The following ADK variants were observed in gnomAD, a reference collection of about 807,000 sequenced individuals.
ADK encodes adenosine kinase.
A neutral mutation model predicts 44.7 loss-of-function variants in ADK; 24 were observed. The ratio of observed to expected loss-of-function variants is 0.54; its 90% CI spans 0.39 to 0.76. The LOEUF (loss-of-function observed/expected upper bound fraction) is 0.76, where lower values mean the gene tolerates loss of function less well. Among genes scored for constraint, ADK ranks in the 30% least tolerant of loss-of-function variants. The pLI is 0.00. For synonymous variants in ADK, 128 were observed against 142.6 expected, an observed-to-expected ratio of 0.90 and a Z score of 0.73; for missense variants, 321 against 425.1, an observed-to-expected ratio of 0.76 and a Z score of 2.15.
chr10:74,414,179 C>T (rs910880146), intron 6 of ADK, among the ~76,000 whole-genome samples: 2 of 152,068 alleles, frequency 1.3e-5, no homozygotes, highest in Non-Finnish European at 2.9e-5. Context: ...ACACCATACT[C>T]AAGGCAGGCT....
In ADK at chr10:74,302,131, T is replaced by G. The variant is rs1564642381; in HGVS notation, c.195-12536T>G. Among the ~76,000 whole-genome samples the G allele has an allele frequency of 1.4e-4, 11 of 76,882 alleles. 1 individual carries two copies. Among genetic ancestry groups the G allele is most frequent in the Admixed American group, 3.1e-4 (2 of 6,496 alleles). The allele number at this position is 76,882 out of a possible 152,430, so 50.4% of individuals were successfully genotyped here. On this transcript the variant is annotated intron_variant, in intron 3 of 10. Transcript: ENST00000539909. ...TTTGTTTTTTTTTTTTTTTTTTTTTTTTTTTTTTTTTTTTTGAGATGGAGT... is the reference window on the plus strand; with the variant it reads ...TTTGTTTTTTTTTTTTTTTTTTTTTGTTTTTTTTTTTTTTTGAGATGGAGT...
chr10:74,282,259 C>T (rs1038896866), intron 3 of ADK, among the ~76,000 whole-genome samples: 3 of 152,082 alleles, frequency 2.0e-5, no homozygotes, highest in African/African-American at 7.2e-5. Context: ...TTGTGGTGAA[C>T]TTTTTAAGGA....
intron 3 of ADK, among the ~76,000 whole-genome samples, chr10:74,303,780 C>T (rs2132531966): frequency 6.6e-6 from 1 of 150,856 alleles, no homozygotes; most frequent in Non-Finnish European, 1.5e-5. Context: ...CCAGCCTGGC[C>T]AACATAGTGA....
chr10:74,560,861 A>G (rs929637555), intron 7 of ADK, among the ~76,000 whole-genome samples: 2 of 152,154 alleles, frequency 1.3e-5, no homozygotes, highest in African/African-American at 4.8e-5. Context: ...TGCAAGAGAA[A>G]GAGAGAGGTG....
chr10:74,647,971 C>T (rs1338409850), intron 9 of ADK, among the ~76,000 whole-genome samples: 1 of 152,182 alleles, frequency 6.6e-6, no homozygotes, highest in African/African-American at 2.4e-5. Flanking sequence ...CAGTTCAACA[C>T]TGATCTCAGC....
intron 9 of ADK, among the ~76,000 whole-genome samples, chr10:74,640,247 A>T (rs1853793185): frequency 2.0e-5 from 3 of 152,080 alleles, no homozygotes; most frequent in South Asian, 4.1e-4. Flanking sequence ...CTCAGATCTA[A>T]CTCCTCAGGG....
intron 1 of ADK, among the ~76,000 whole-genome samples, chr10:74,153,828 G>T (rs1385997747): frequency 6.6e-6 from 1 of 152,118 alleles, no homozygotes; most frequent in African/African-American, 2.4e-5. Flanking sequence ...TTTCTTTAGC[G>T]ATCGCCTCTT....
chr10:74,205,143 G>A (rs1482866316), intron 2 of ADK, among the ~76,000 whole-genome samples: 1 of 148,668 alleles, frequency 6.7e-6, no homozygotes, highest in Non-Finnish European at 1.5e-5. Flanking sequence ...TCATTATGGA[G>A]AACGAGATTA....
At chr10:74,535,683 A>G (rs2133696788) in intron 7 of ADK, among the ~76,000 whole-genome samples, 1 of 151,364 alleles carries the variant, frequency 6.6e-6, no homozygotes, top group Admixed American at 6.6e-5. Flanking sequence ...CCCAGGTTCA[A>G]GCAATTCTCG....
chr10:74,186,201 C>T (rs1017196555), intron 1 of ADK, among the ~76,000 whole-genome samples: 2 of 136,576 alleles, frequency 1.5e-5, no homozygotes, highest in African/African-American at 5.3e-5. Context: ...CCTTCCCTTC[C>T]CTTCCCTTCC....
In ADK at chr10:74,505,014, TA is replaced by T. The variant is rs577834085; in HGVS notation, c.556-20241del. Among the ~76,000 whole-genome samples the T allele has an allele frequency of 1.2e-4, 19 of 152,176 alleles. No individual in the cohort carries two copies. In the South Asian group the frequency reaches 4.0e-3, roughly 32 times the overall value. ...TGGATCATCATAAACATCTTCATCC[TA>T]GTAGTCTTCACACTGAGCAGGCTGA... On this transcript the variant is annotated intron_variant, in intron 6 of 10. Transcript: ENST00000539909.
chr10:74,334,168 C>G (rs1051780915), intron 4 of ADK, among the ~76,000 whole-genome samples: 1 of 152,118 alleles, frequency 6.6e-6, no homozygotes, highest in Non-Finnish European at 1.5e-5. Context: ...CTTCCTTTCC[C>G]CTACTTCAGC....
intron 3 of ADK, among the ~76,000 whole-genome samples, chr10:74,306,619 G>A (rs1840258513): frequency 6.6e-6 from 1 of 152,160 alleles, no homozygotes; most frequent in African/African-American, 2.4e-5. Flanking sequence ...TCTTCTACCA[G>A]AGTGTTCACT....
chr10:74,224,247 TCCA>T (rs1436145944), intron 2 of ADK, among the ~76,000 whole-genome samples: 2 of 152,228 alleles, frequency 1.3e-5, no homozygotes, highest in African/African-American at 4.8e-5. Flanking sequence ...TTGTAGTTGT[TCCA>T]TCAGTTTTGA....
intron 4 of ADK, among the ~76,000 whole-genome samples, chr10:74,371,200 G>A (rs951735687): frequency 2.0e-5 from 3 of 152,194 alleles, no homozygotes; most frequent in Non-Finnish European, 2.9e-5. Flanking sequence ...GAGATGGGAA[G>A]ATTTAGGAGT....
At chr10:74,336,500 A>G (rs774672953) in intron 4 of ADK, among the ~76,000 whole-genome samples, 3 of 152,098 alleles carry the variant, frequency 2.0e-5, no homozygotes, top group Non-Finnish European at 4.4e-5. Flanking sequence ...TATTTTTTGT[A>G]GTTGTAGACG....
chr10:74,607,565 C>G, intron 9 of ADK, among the ~76,000 whole-genome samples: 1 of 152,196 alleles, frequency 6.6e-6, no homozygotes, highest in African/African-American at 2.4e-5. Flanking sequence ...GGTCCTCACT[C>G]TCTTCTGGCT....
Position 74,166,151 on chromosome 10 carries a change from G to T in ADK, c.65+14808G>T, listed in dbSNP as rs941740770. Among the ~76,000 whole-genome samples, 17 of 152,242 alleles carry T rather than the reference G, an allele frequency of 1.1e-4. 1 individual carries two copies. In the South Asian group the frequency reaches 3.5e-3, roughly 32 times the overall value. On this transcript the variant is annotated intron_variant, in intron 1 of 10. Coordinates refer to ENST00000539909, the MANE Select transcript of ADK (RefSeq NM_006721.4). ...GACGGGGTTTCACTGTGTTGGCCTG[G>T]CTGGTCTTGAAGTTCCAACCTTAGG...
intron 3 of ADK, among the ~76,000 whole-genome samples, chr10:74,231,883 C>A (rs1908335): frequency 0.53 from 80,215 of 151,740 alleles, 22,279 homozygotes; most frequent in Non-Finnish European, 0.62. Context: ...TAAGAGTTAC[C>A]GTTTGTGCTT....
Sources: gnomAD v4.1 joint callset for allele counts (sites outside exome capture counted in the v4.1 genomes callset) on GRCh38, gnomAD v4.1.1 for gene constraint, MANE v1.5 for transcripts, NCBI Gene and HGNC (gene_info 2026-07-23, HGNC 2026-07-21) for gene names.